The following KLRC1 variants were observed in gnomAD, a reference collection of about 807,000 sequenced individuals.
KLRC1 encodes the protein killer cell lectin like receptor C1, also known as NKG2-A/NKG2-B type II integral membrane protein.
KLRC1 carries 22 observed loss-of-function variants against 25.9 expected under a neutral mutation model. That is an observed-to-expected ratio of 0.85 (90% confidence interval 0.61 to 1.21). The LOEUF (loss-of-function observed/expected upper bound fraction) is 1.21. Ranked by LOEUF, KLRC1 falls within the 50% of genes most tolerant of loss-of-function variation. The pLI is 0.00. For synonymous variants in KLRC1, 77 were observed against 93.1 expected (o/e 0.83, Z 0.99); for missense variants, 240 against 272.2 (o/e 0.88, Z 0.83).
chr12:10,451,365 A>G (rs930770354), intron 1 of KLRC1, 178 bp from the exon 2 acceptor site: 8 of 416,450 alleles, frequency 1.9e-5, no homozygotes, highest in Admixed American at 9.0e-5. Context: ...TGTTTTAAAA[A>G]AAGATTTTTA....
chr12:10,448,508 G>C (rs76636812), intron 5 of KLRC1, among the ~76,000 whole-genome samples: 2 of 152,284 alleles, frequency 1.3e-5, no homozygotes, highest in East Asian at 3.9e-4. Context: ...AGAGACACCA[G>C]AGTGGATGTG....
chr12:10,450,397 T>G (rs1864097424), intron 3 of KLRC1, 87 bp downstream of exon 3: 1 of 735,456 alleles, frequency 1.4e-6, no homozygotes, highest in Non-Finnish European at 2.4e-6. Flanking sequence ...CAATGAGAAC[T>G]CTATTCCCTG....
downstream of KLRC1, among the ~76,000 whole-genome samples, chr12:10,443,692 A>T (rs1448950558): frequency 7.1e-6 from 1 of 141,520 alleles, no homozygotes; most frequent in Non-Finnish European, 1.5e-5. Context: ...GAATACTCAC[A>T]TATTTAATTT....
intron 6 of KLRC1, 26 bp downstream of exon 6, chr12:10,447,506 A>G: frequency 6.7e-7 from 1 of 1,499,810 alleles, no homozygotes; most frequent in Non-Finnish European, 9.2e-7. Flanking sequence ...ATATATTGTT[A>G]TATAGCGCCA....
At position 10,451,203 on chromosome 12, in the gene KLRC1, T is replaced by A; in HGVS notation, c.-31-16A>T. On this transcript the variant is annotated splice_polypyrimidine_tract_variant and intron_variant, in intron 1 of 6. Coordinates refer to ENST00000359151, the MANE Select transcript of KLRC1 (RefSeq NM_002259.5). ...GGACTGTACTCTATAATAACAGTAG[T>A]TAAGAAGTTAATAAATGGTTTATAT... is the stretch of plus-strand genomic sequence containing the variant. The A allele has an allele frequency of 4.1e-6, 6 of 1,467,396 alleles. No homozygotes were observed. The highest frequency in any genetic ancestry group is 5.5e-6 in the Non-Finnish European group (6 of 1,096,178). The allele number at this position is 1,467,396 out of a possible 1,614,324, so 90.9% of individuals were successfully genotyped here.
In KLRC1 at chr12:10,449,314, T is replaced by C; in HGVS notation, c.412A>G (p.Arg138Gly). Residue 138 changes from arginine (R) to glycine (G), a missense_variant, in exon 5 of 7, where the codon AGA becomes GGA. Physicochemically the swap from Arg to Gly is moderately radical, Grantham distance 125 (BLOSUM62 -2). Coordinates refer to ENST00000359151, the MANE Select transcript of KLRC1 (RefSeq NM_002259.5). ...GCCAGCAAACTCTCTTCCCAAGTTC[T>C]TCTTTCCTTACCAATGTAGTAACAA... ...NSCYYIGKER[R>G]TWEESLLACT... is the part of the protein sequence containing the mutation. 1 of 1,613,992 alleles carries C rather than the reference T, an allele frequency of 6.2e-7. No homozygotes were observed. Among genetic ancestry groups the C allele is most frequent in the South Asian group, 1.1e-5 (1 of 91,068 alleles).
Position 10,446,615 on chromosome 12 carries a change from A to T in KLRC1, c.638T>A (p.Val213Glu). Residue 213 changes from valine to glutamate, a missense_variant, in exon 7 of 7, where the codon GTA becomes GAA. Coordinates refer to ENST00000359151, the MANE Select transcript of KLRC1 (RefSeq NM_002259.5). ...NAELNCAVLQ[V>E]NRLKSAQCGS... The stretch of plus-strand genomic sequence containing the variant: ...ACACTGGGCTGATTTAAGTCGATTT[A>T]CTTGTAGCACTGCACAGTTAAGTTC... 6.2e-7 allele frequency: 1 copy of T among 1,613,992 alleles called. No individual in the cohort carries two copies. Among genetic ancestry groups the T allele is most frequent in the African/African-American group, 1.3e-5 (1 of 75,052 alleles).
chr12:10,445,543 C>T (rs1465126312), downstream of KLRC1, among the ~76,000 whole-genome samples: 2 of 151,940 alleles, frequency 1.3e-5, no homozygotes, highest in Admixed American at 1.3e-4. Flanking sequence ...TTGATTGTAC[C>T]TTCTATTCAA....
At chr12:10,450,668 G>A (rs1864104557) in intron 2 of KLRC1, 89 bp from the exon 3 acceptor site, 2 of 797,254 alleles carry the variant, frequency 2.5e-6, no homozygotes, top group South Asian at 3.3e-5. Context: ...GAATGCACAG[G>A]AATCATACAG....
In KLRC1 at chr12:10,453,115, C is replaced by T. The variant is rs114439078; in HGVS notation, c.-32+83G>A. 7.4e-3 allele frequency: 3,589 copies of T among 486,638 alleles called. 124 individuals are homozygous for T. The highest frequency in any genetic ancestry group is 0.07 in the African/African-American group (3,330 of 47,646). 30.1% of individuals were successfully genotyped at this position (486,638 alleles called of 1,614,324 possible). On this transcript the variant is annotated intron_variant, in intron 1 of 6. Transcript: ENST00000359151. ...TTGATTTTATTGTATATTAATTATA[C>T]CTCCTTTGTATCATATTGAGCACTT...
In KLRC1 at chr12:10,446,368, G is replaced by A. The variant is rs1017809699; in HGVS notation, c.*183C>T. 2.2e-5 allele frequency: 30 copies of A among 1,365,666 alleles called. No individual in the cohort carries two copies. Among genetic ancestry groups the A allele is most frequent in the Middle Eastern group, 2.8e-4 (1 of 3,604 alleles). 84.6% of individuals were successfully genotyped at this position (1,365,666 alleles called of 1,614,324 possible). ...ATACCATGTTGAGCAAAATGAGCCC[G>A]ACACAAATGCTAGGATGTCTGTACT... On this transcript the variant is annotated 3_prime_UTR_variant, in exon 7 of 7. Coordinates refer to ENST00000359151, the MANE Select transcript of KLRC1 (RefSeq NM_002259.5).
At chr12:10,445,985 A>C (rs60260155), downstream of KLRC1, 50,486 of 151,556 alleles carry the variant, frequency 0.33, 11,007 homozygotes, top group African/African-American at 0.62. Flanking sequence ...TTTAAAAATT[A>C]CTTTAGAGAA....
At chr12:10,449,806 CTT>C (rs1279403179) in intron 4 of KLRC1, 106 bp downstream of exon 4, 1 of 886,208 alleles carries the variant, frequency 1.1e-6, no homozygotes, top group African/African-American at 1.8e-5. Flanking sequence ...TTTATGAACA[CTT>C]ATTGCCAAAT....
chr12:10,452,029 AAATT>A (rs1864137169), intron 1 of KLRC1, among the ~76,000 whole-genome samples: 1 of 151,778 alleles, frequency 6.6e-6, no homozygotes, highest in South Asian at 2.1e-4. Context: ...AAATTATTAA[AAATT>A]ATTTATTAAA....
chr12:10,452,305 G>C (rs1212549514), intron 1 of KLRC1, among the ~76,000 whole-genome samples: 1 of 152,088 alleles, frequency 6.6e-6, no homozygotes, highest in African/African-American at 2.4e-5. Flanking sequence ...AGTGAGTAAA[G>C]GCCACTTTAG....
chr12:10,444,644 A>G (rs569181419), downstream of KLRC1, among the ~76,000 whole-genome samples: 2 of 152,342 alleles, frequency 1.3e-5, no homozygotes, highest in East Asian at 3.9e-4. Flanking sequence ...TATATCCTAC[A>G]TGTTTTAAAG....
At chr12:10,449,789 A>C (rs1486483055) in intron 4 of KLRC1, 125 bp downstream of exon 4, 21 of 727,118 alleles carry the variant, frequency 2.9e-5, no homozygotes, top group Non-Finnish European at 4.3e-5. Context: ...GCCTTACTCT[A>C]ATTTTATTTA....
intron 4 of KLRC1, 117 bp from the exon 5 acceptor site, chr12:10,449,505 T>C: frequency 4.0e-6 from 6 of 1,497,560 alleles, no homozygotes; most frequent in Non-Finnish European, 5.4e-6. Flanking sequence ...TACATCTTCA[T>C]GGGCTGGTAA....
intron 5 of KLRC1, 82 bp downstream of exon 5, chr12:10,449,155 C>A (rs931840437): frequency 2.6e-6 from 4 of 1,551,684 alleles, no homozygotes; most frequent in Non-Finnish European, 3.5e-6. Flanking sequence ...ATGTATATAC[C>A]CACACATATG....
Sources: allele counts gnomAD v4.1 joint callset (sites outside exome capture counted in the v4.1 genomes callset), GRCh38; gene constraint gnomAD v4.1.1; transcripts MANE v1.5; gene names NCBI Gene and HGNC (gene_info 2026-07-23, HGNC 2026-07-21).